The following ABCB7 variants were observed in gnomAD, a reference collection of about 807,000 sequenced individuals.
ABCB7 encodes the protein iron-sulfur clusters transporter ABCB7, mitochondrial.
A neutral mutation model predicts 54.4 loss-of-function variants in ABCB7; 7 were observed. That is an observed-to-expected ratio of 0.13 (90% confidence interval 0.07 to 0.24). The LOEUF is 0.24. Among genes scored for constraint, ABCB7 ranks in the 10% least tolerant of loss-of-function variants. The pLI, the probability that ABCB7 is intolerant of heterozygous loss-of-function variation, is 1.00. For missense variants in ABCB7, 356 were observed against 570.4 expected, an observed-to-expected ratio of 0.62 and a Z score of 3.83; for synonymous variants, 218 against 207.1, an observed-to-expected ratio of 1.05 and a Z score of -0.45.
chrX:75,130,457 C>T (rs2081966464), intron 1 of ABCB7, among the ~76,000 whole-genome samples: 1 of 112,724 alleles, frequency 8.9e-6, no homozygotes, highest in Admixed American at 9.3e-5. Context: ...TTTGTGCTCA[C>T]TCACATACCA....
chrX:75,150,549 G>C (rs2082123496), intron 1 of ABCB7, among the ~76,000 whole-genome samples: 1 of 111,404 alleles, frequency 9.0e-6, no homozygotes, highest in Non-Finnish European at 1.9e-5. Context: ...TAAAAATTAT[G>C]TACATGAAAG....
chrX:75,134,231 G>T (rs374314470), intron 1 of ABCB7, among the ~76,000 whole-genome samples: 8 of 111,622 alleles, frequency 7.2e-5, no homozygotes, highest in African/African-American at 2.6e-4. Context: ...AAAGGACAAA[G>T]AAGGGCATTA....
chrX:75,139,773 A>G (rs1374062047), intron 1 of ABCB7, among the ~76,000 whole-genome samples: 2 of 112,185 alleles, frequency 1.8e-5, no homozygotes, highest in East Asian at 5.6e-4. Flanking sequence ...TGATTCTCAT[A>G]GATGTTATCT....
intron 1 of ABCB7, among the ~76,000 whole-genome samples, chrX:75,125,657 C>T (rs954131559): frequency 9.0e-6 from 1 of 110,981 alleles, no homozygotes; most frequent in East Asian, 2.8e-4. Context: ...AATACTGCTA[C>T]GGGCACTCAA....
chrX:75,111,665 C>G (rs975691351), intron 3 of ABCB7, among the ~76,000 whole-genome samples: 1 of 112,345 alleles, frequency 8.9e-6, no homozygotes, highest in African/African-American at 3.2e-5. Flanking sequence ...AAAGGCTAAA[C>G]TAATACAAAG....
At chrX:75,125,215 G>T (rs2081914215) in intron 1 of ABCB7, among the ~76,000 whole-genome samples, 1 of 110,845 alleles carries the variant, frequency 9.0e-6, no homozygotes, top group African/African-American at 3.3e-5. Context: ...TTCTTTATAA[G>T]CATTCCAGCA....
chrX:75,064,960 A>G, intron 13 of ABCB7, 110 bp downstream of exon 13: 8 of 900,161 alleles, frequency 8.9e-6, no homozygotes, highest in Non-Finnish European at 1.3e-5. Flanking sequence ...ATGTGACTCA[A>G]CGAGCACTAC....
At chrX:75,078,790 G>A (rs1219177076) in intron 4 of ABCB7, among the ~76,000 whole-genome samples, 1 of 111,647 alleles carries the variant, frequency 9.0e-6, no homozygotes, top group East Asian at 2.8e-4. Context: ...TTATAAGGCA[G>A]GGACAATATA....
chrX:75,073,986 G>A, intron 6 of ABCB7, 30 bp from the exon 7 acceptor site: 1 of 1,103,387 alleles, frequency 9.1e-7, no homozygotes, highest in Non-Finnish European at 1.3e-6. Context: ...GAAGAAACGT[G>A]AAACAGTTAT....
chrX:75,099,059 T>A lies in ABCB7; in HGVS notation c.336A>T (p.Leu112Phe). 1.7e-6 allele frequency: 2 copies of A among 1,208,453 alleles called. No individual in the cohort carries two copies. Among genetic ancestry groups the A allele is most frequent in the Non-Finnish European group, 2.2e-6 (2 of 892,938 alleles). The change falls in exon 4 of 16, where the codon TTA (leucine) becomes TTT (phenylalanine). Residue 112 changes from leucine (L) to phenylalanine (F), a missense_variant and splice_region_variant. Physicochemically the swap from Leu to Phe is conservative, Grantham distance 22. Coordinates refer to ENST00000373394, the MANE Select transcript of ABCB7 (RefSeq NM_001271696.3). ...GGLHTDPKEG[L>F]KDVDTRKIIK... ...TGATTTTCCGAGTATCAACATCTTT[T>A]AACTATTGAAAGAGAGAAAACAAAG...
Position 75,138,900 on chromosome X carries a change from C to T in ABCB7, c.168+17205G>A, listed in dbSNP as rs780075956. On this transcript the variant is annotated intron_variant, in intron 1 of 15. Coordinates refer to ENST00000373394, the MANE Select transcript of ABCB7 (RefSeq NM_001271696.3). ...GTATGCACCTGTAGTCCCAGCTACTCGGGAGGCTGAGGCAGGGGAATCGCT... is the reference window on the plus strand; with the variant it reads ...GTATGCACCTGTAGTCCCAGCTACTTGGGAGGCTGAGGCAGGGGAATCGCT... Among the ~76,000 whole-genome samples the T allele has an allele frequency of 1.0e-3, 109 of 106,809 alleles. 1 individual carries two copies. Among genetic ancestry groups the T allele is most frequent in the African/African-American group, 3.4e-3 (100 of 29,141 alleles). 92.8% of individuals were successfully genotyped at this position (106,809 alleles called of 115,157 possible). A position where few individuals can be genotyped will look rare whatever the true frequency, so the allele number is the denominator to read the frequency against.
In ABCB7 at chrX:75,060,316, G is replaced by C. The variant is rs367870900; in HGVS notation, c.1950C>G (p.Ala650=). Residue 650 remains alanine (A), a synonymous_variant, in exon 15 of 16, where the codon GCC becomes GCG. Coordinates refer to ENST00000373394, the MANE Select transcript of ABCB7 (RefSeq NM_001271696.3). ...TTCTGTGTTTGACCACATCCTTCAT[G>C]GCACCAAGAATAGTCTGCAAGTTTG... The part of the protein sequence containing the change: ...DSITEETILG[A]MKDVVKHRTS... The C allele has an allele frequency of 5.7e-5, 68 of 1,202,609 alleles. No individual in the cohort carries two copies. Among genetic ancestry groups the C allele is most frequent in the Non-Finnish European group, 6.8e-6 (6 of 888,713 alleles).
chrX:75,118,864 G>T (rs1362452453), intron 1 of ABCB7, among the ~76,000 whole-genome samples: 1 of 111,033 alleles, frequency 9.0e-6, no homozygotes, highest in Non-Finnish European at 1.9e-5. Flanking sequence ...CCCTCTTTTT[G>T]GGATCCAGGA....
At chrX:75,139,558 T>C (rs771123344) in intron 1 of ABCB7, among the ~76,000 whole-genome samples, 14 of 112,114 alleles carry the variant, frequency 1.2e-4, no homozygotes, top group Non-Finnish European at 2.4e-4. Flanking sequence ...TAATCTCTTA[T>C]ATGGTTCTGA....
rs1314347292 is a variant in ABCB7, at chrX:75,052,384, G to T, written c.*986C>A. 9.3e-6 allele frequency: 1 copy of T among 107,482 alleles called. No homozygotes were observed. Among genetic ancestry groups the T allele is most frequent in the Non-Finnish European group, 1.9e-5 (1 of 52,117 alleles). The allele number at this position is 107,482 out of a possible 1,213,427, so 8.9% of individuals were successfully genotyped here. A position where few individuals can be genotyped will look rare whatever the true frequency, so the allele number is the denominator to read the frequency against. ...CAGGAGGCTGAGGCAGGAGAATGGC[G>T]TGAACCCAGGAGGCGGAGCTTGCAG... On this transcript the variant is annotated 3_prime_UTR_variant, in exon 16 of 16. Coordinates refer to ENST00000373394, the MANE Select transcript of ABCB7 (RefSeq NM_001271696.3).
chrX:75,155,875 G>C (rs1240589353), intron 1 of ABCB7, among the ~76,000 whole-genome samples: 1 of 110,969 alleles, frequency 9.0e-6, no homozygotes, highest in African/African-American at 3.3e-5. Flanking sequence ...CAGCGCTCCA[G>C]GTGTCCTCTG....
chrX:75,151,159 T>G, intron 1 of ABCB7, among the ~76,000 whole-genome samples: 1 of 111,587 alleles, frequency 9.0e-6, no homozygotes, highest in Middle Eastern at 4.2e-3. Context: ...AAACATGAAA[T>G]TTTCTTCCTC....
At chrX:75,116,326 T>G (rs1433621688) in intron 1 of ABCB7, among the ~76,000 whole-genome samples, 1 of 82,939 alleles carries the variant, frequency 1.2e-5, no homozygotes, top group Admixed American at 1.5e-4. Flanking sequence ...CCCGCCCCCA[T>G]TGTATAAACA....
At chrX:75,138,223 TACACAC>T (rs60844679) in intron 1 of ABCB7, among the ~76,000 whole-genome samples, 5,972 of 98,777 alleles carry the variant, frequency 0.06, 222 homozygotes, top group African/African-American at 0.13. Flanking sequence ...GCAACCCTCA[TACACAC>T]ACACACACAC....
Sources: allele counts gnomAD v4.1 joint callset (sites outside exome capture counted in the v4.1 genomes callset), GRCh38; gene constraint gnomAD v4.1.1; transcripts MANE v1.5; gene names NCBI Gene and HGNC (gene_info 2026-07-23, HGNC 2026-07-21).